TRDMT1: variants seen among roughly 807,000 people sequenced by gnomAD.
TRDMT1 encodes the protein tRNA (cytosine(38)-C(5))-methyltransferase.
In TRDMT1, 49 loss-of-function variants were observed where a neutral mutation model predicts 51.2. The observed-to-expected ratio is 0.96, with a 90% CI of 0.76 to 1.21. TRDMT1 has a LOEUF of 1.21. TRDMT1 is among the 50% of genes most tolerant of loss of function. The probability of loss-of-function intolerance (pLI) is 0.00; values close to 1 mark genes in which losing one functional copy is unlikely to be tolerated. For missense variants in TRDMT1, 534 were observed against 462.3 expected (o/e 1.16, Z -1.42); for synonymous variants, 187 against 164.6 (o/e 1.14, Z -1.04).
chr10:17,188,262 T>A (rs1379980764), intron 1 of TRDMT1, among the ~76,000 whole-genome samples: 1 of 152,194 alleles, frequency 6.6e-6, no homozygotes, highest in African/African-American at 2.4e-5. Flanking sequence ...TATAAAGATA[T>A]AATTCCAGGT....
rs1837919520 is a variant in TRDMT1, at chr10:17,144,256, A to G, written c.*4784T>C. The G allele has an allele frequency of 1.0e-6, 1 of 985,662 alleles. No individual in the cohort carries two copies. Among genetic ancestry groups the G allele is most frequent in the Non-Finnish European group, 1.2e-6 (1 of 829,922 alleles). The allele number at this position is 985,662 out of a possible 1,614,324, so 61.1% of individuals were successfully genotyped here. A position where few individuals can be genotyped will look rare whatever the true frequency, so the allele number is the denominator to read the frequency against. The stretch of plus-strand genomic sequence containing the variant: ...AGCTAAACAAACATGTTCTCTATGT[A>G]CACTCTTATAATTTCAATCTGTCCT... On this transcript the variant is annotated 3_prime_UTR_variant, in exon 11 of 11. Transcript: ENST00000377799.
intron 7 of TRDMT1, among the ~76,000 whole-genome samples, 167 bp downstream of exon 7, chr10:17,158,979 A>C (rs1839929643): frequency 6.6e-6 from 1 of 152,140 alleles, no homozygotes; most frequent in Admixed American, 6.6e-5. Flanking sequence ...TAAAAGTGGC[A>C]AGATGAAAAC....
intron 1 of TRDMT1, among the ~76,000 whole-genome samples, chr10:17,192,149 T>TA (rs1344622089): frequency 6.6e-6 from 1 of 152,008 alleles, no homozygotes; most frequent in Non-Finnish European, 1.5e-5. Context: ...AGAGAAATGA[T>TA]AGAGTTATAA....
At position 17,139,326 on chromosome 10, in the gene TRDMT1, C is replaced by CA; in HGVS notation, c.*9713_*9714insT. ...AGGAAAATGTCTGATTGCACTCAGA[C>CA]TTCAGCATGAATGACAGAAGAAATG... On this transcript the variant is annotated 3_prime_UTR_variant, in exon 11 of 11. Coordinates refer to ENST00000377799, the MANE Select transcript of TRDMT1 (RefSeq NM_004412.7). 1.1e-5 allele frequency: 5 copies of CA among 465,544 alleles called. No homozygotes were observed. Among genetic ancestry groups the CA allele is most frequent in the East Asian group, 1.5e-4 (1 of 6,614 alleles). 28.8% of individuals were successfully genotyped at this position (465,544 alleles called of 1,614,324 possible).
intron 1 of TRDMT1, among the ~76,000 whole-genome samples, chr10:17,195,216 T>C (rs1845245574): frequency 6.6e-6 from 1 of 152,158 alleles, no homozygotes; most frequent in Non-Finnish European, 1.5e-5. Context: ...TGCCCATCAA[T>C]GGCGGACTGA....
At chr10:17,184,038 G>C (rs1432929770) in intron 1 of TRDMT1, among the ~76,000 whole-genome samples, 1 of 152,176 alleles carries the variant, frequency 6.6e-6, no homozygotes, top group Non-Finnish European at 1.5e-5. Flanking sequence ...GTCTTCTAAA[G>C]ATCATCAAGT....
rs1302325208 is a variant in TRDMT1 at position 17,140,937 on chromosome 10, C to T, written c.*8103G>A. Among the ~76,000 whole-genome samples, 2 of 152,148 alleles carry T rather than the reference C, an allele frequency of 1.3e-5. No individual in the cohort carries two copies. The highest frequency in any genetic ancestry group is 2.1e-4 in the South Asian group (1 of 4,832). On this transcript the variant is annotated 3_prime_UTR_variant, in exon 11 of 11. Transcript: ENST00000377799. Reference sequence around the variant, plus strand: ...GATAAGCCTAATTCCATGTTAACTACCTGCTCGCCCTAATAATTGTAAAGA... The same window carrying T: ...GATAAGCCTAATTCCATGTTAACTATCTGCTCGCCCTAATAATTGTAAAGA...
rs1838127284 is a variant in TRDMT1, at chr10:17,146,546, C to T, written c.*2494G>A. 1.0e-6 allele frequency: 1 copy of T among 984,934 alleles called. No individual in the cohort carries two copies. The allele number at this position is 984,934 out of a possible 1,614,324, so 61.0% of individuals were successfully genotyped here. ...ATTAGTTTTGGATCCTGAAGACATA[C>T]TAAAAATATGAAGCAGGGTAATAAA... is the stretch of plus-strand genomic sequence containing the variant. On this transcript the variant is annotated 3_prime_UTR_variant, in exon 11 of 11. Coordinates refer to ENST00000377799, the MANE Select transcript of TRDMT1 (RefSeq NM_004412.7).
intron 1 of TRDMT1, among the ~76,000 whole-genome samples, chr10:17,197,363 C>A (rs1426437197): frequency 6.6e-6 from 1 of 151,950 alleles, no homozygotes; most frequent in Non-Finnish European, 1.5e-5. Flanking sequence ...CATGTAAATA[C>A]ATGGGAAAAT....
chr10:17,184,038 G>A (rs1432929770), intron 1 of TRDMT1, among the ~76,000 whole-genome samples: 1 of 152,176 alleles, frequency 6.6e-6, no homozygotes, highest in Non-Finnish European at 1.5e-5. Context: ...GTCTTCTAAA[G>A]ATCATCAAGT....
At chr10:17,179,209 T>A (rs1165908226) in intron 1 of TRDMT1, among the ~76,000 whole-genome samples, 8 of 152,172 alleles carry the variant, frequency 5.3e-5, no homozygotes, top group African/African-American at 1.9e-4. Context: ...AAAGTCATGT[T>A]GATGTCATGA....
chr10:17,185,605 C>T (rs1439478230), intron 1 of TRDMT1, among the ~76,000 whole-genome samples: 2 of 152,274 alleles, frequency 1.3e-5, no homozygotes, highest in African/African-American at 4.8e-5. Flanking sequence ...GACACATGCA[C>T]ACGTATGTTT....
At chr10:17,164,585 G>C (rs914918867) in intron 3 of TRDMT1, among the ~76,000 whole-genome samples, 7 of 152,194 alleles carry the variant, frequency 4.6e-5, no homozygotes, top group African/African-American at 1.4e-4. Context: ...AATTGTCCCT[G>C]TTTGCAGATG....
rs1838196171 is a variant in TRDMT1, at chr10:17,147,229, T to C, written c.*1811A>G. On this transcript the variant is annotated 3_prime_UTR_variant, in exon 11 of 11. Transcript: ENST00000377799. ...AGTGTGCCAAAATAATTTGTGATTG[T>C]TTACTGAAATTTATGAGACTTGTAA... The C allele has an allele frequency of 1.0e-6, 1 of 985,708 alleles. No homozygotes were observed. The highest frequency in any genetic ancestry group is 1.7e-5 in the African/African-American group (1 of 57,228). 61.1% of individuals were successfully genotyped at this position (985,708 alleles called of 1,614,324 possible). A position where few individuals can be genotyped will look rare whatever the true frequency, so the allele number is the denominator to read the frequency against.
intron 10 of TRDMT1, chr10:17,151,068 C>T (rs767180563): frequency 2.2e-6 from 2 of 919,038 alleles, no homozygotes; most frequent in Non-Finnish European, 2.6e-6. Flanking sequence ...TAGGTTGGTG[C>T]AAAAGCATTG....
intron 5 of TRDMT1, among the ~76,000 whole-genome samples, chr10:17,160,950 G>A (rs1265522820): frequency 6.6e-6 from 1 of 151,714 alleles, no homozygotes; most frequent in Non-Finnish European, 1.5e-5. Context: ...AGTCAGAATT[G>A]CTAATCTAGT....
chr10:17,173,112 A>C (rs1374776875), intron 2 of TRDMT1, among the ~76,000 whole-genome samples: 2 of 152,206 alleles, frequency 1.3e-5, no homozygotes, highest in African/African-American at 4.8e-5. Context: ...AAATAGTGAC[A>C]ATGTAAAATG....
At chr10:17,173,253 C>G (rs1842252574) in intron 2 of TRDMT1, among the ~76,000 whole-genome samples, 1 of 152,026 alleles carries the variant, frequency 6.6e-6, no homozygotes, top group Admixed American at 6.6e-5. Flanking sequence ...TGCAACTTTA[C>G]TTGTAATGGT....
chr10:17,148,638 A>T lies in TRDMT1; in HGVS notation c.*402T>A, dbSNP rs1051533800. On this transcript the variant is annotated 3_prime_UTR_variant, in exon 11 of 11. Coordinates refer to ENST00000377799, the MANE Select transcript of TRDMT1 (RefSeq NM_004412.7). ...CATTCAATGGGCTAGAATTAGAATC[A>T]TTATTTTAAAATTAGAAATAAAAAA... is the stretch of plus-strand genomic sequence containing the variant. 2 of 967,348 alleles carry T rather than the reference A, an allele frequency of 2.1e-6. No individual in the cohort carries two copies. Among genetic ancestry groups the T allele is most frequent in the Non-Finnish European group, 2.5e-6 (2 of 813,496 alleles). 59.9% of individuals were successfully genotyped at this position (967,348 alleles called of 1,614,324 possible). A position where few individuals can be genotyped will look rare whatever the true frequency, so the allele number is the denominator to read the frequency against.
Sources: gnomAD v4.1 joint callset for allele counts (sites outside exome capture counted in the v4.1 genomes callset) on GRCh38, gnomAD v4.1.1 for gene constraint, MANE v1.5 for transcripts, NCBI Gene and HGNC (gene_info 2026-07-23, HGNC 2026-07-21) for gene names.